The following CPLANE1 variants were observed in gnomAD, a reference collection of about 807,000 sequenced individuals.
CPLANE1 encodes the protein ciliogenesis and planar polarity effector complex subunit 1, also known as ciliogenesis and planar polarity effector 1.
In CPLANE1, 263 loss-of-function variants were observed where a neutral mutation model predicts 362.5. That is an observed-to-expected ratio of 0.73 (90% CI 0.66 to 0.80). The LOEUF is 0.80. Ranked by LOEUF, CPLANE1 falls within the 30% of genes least tolerant of loss-of-function variation. The probability of loss-of-function intolerance (pLI) is 0.00; values close to 1 mark genes in which losing one functional copy is unlikely to be tolerated. For missense variants in CPLANE1, 3,461 were observed against 3,793.4 expected (o/e 0.91, Z 2.30); for synonymous variants, 1,212 against 1,302.6 (o/e 0.93, Z 1.50).
At chr5:37,245,869 A>T in intron 2 of CPLANE1, 24 bp from the exon 3 acceptor site, 1 of 1,466,498 alleles carries the variant, frequency 6.8e-7, no homozygotes, top group Non-Finnish European at 9.0e-7. Flanking sequence ...CATGTGAAGG[A>T]CTCAAGAGGT....
Position 37,198,845 on chromosome 5 carries a change from A to G in CPLANE1, c.3529T>C (p.Leu1177=). The change falls in exon 20 of 53, where the codon TTA becomes CTA. Residue 1177 remains leucine (L), a synonymous_variant. Coordinates refer to ENST00000651892, the MANE Select transcript of CPLANE1 (RefSeq NM_001384732.1). ...LSEEDGDDLL[L]KAEKNNRQKV... ...TGGCGATTATTTTTTTCAGCTTTTA[A>G]AAGAAGATCATCACCATCTTCCTGA... is the stretch of plus-strand genomic sequence containing the variant. The G allele has an allele frequency of 6.2e-7, 1 of 1,614,044 alleles. No homozygotes were observed. The highest frequency in any genetic ancestry group is 8.5e-7 in the Non-Finnish European group (1 of 1,179,956).
chr5:37,189,689 A>G (rs930456258), intron 21 of CPLANE1, among the ~76,000 whole-genome samples: 4 of 152,202 alleles, frequency 2.6e-5, no homozygotes, highest in African/African-American at 7.2e-5. Context: ...AAAATAGAAT[A>G]CAACAGAATA....
At chr5:37,241,369 C>T (rs1561712710) in intron 6 of CPLANE1, among the ~76,000 whole-genome samples, 1 of 152,000 alleles carries the variant, frequency 6.6e-6, no homozygotes, top group Admixed American at 6.6e-5. Flanking sequence ...ACAGGAGAAT[C>T]GCTTGAACCT....
At chr5:37,098,481 T>C in the CPLANE1 span, among the ~76,000 whole-genome samples, 3 of 148,206 alleles carry the variant, frequency 2.0e-5, no homozygotes, top group South Asian at 2.1e-4. Flanking sequence ...CATAGAAACA[T>C]TGGAATTAAA....
chr5:37,139,178 A>G (rs1350580671), intron 45 of CPLANE1, among the ~76,000 whole-genome samples, 162 bp downstream of exon 45: 1 of 152,178 alleles, frequency 6.6e-6, no homozygotes, highest in Non-Finnish European at 1.5e-5. Flanking sequence ...GAGATATAAC[A>G]ATCCTCAATT....
At chr5:37,242,848 A>G (rs1423554554) in intron 6 of CPLANE1, among the ~76,000 whole-genome samples, 165 bp downstream of exon 6, 1 of 152,040 alleles carries the variant, frequency 6.6e-6, no homozygotes, top group Non-Finnish European at 1.5e-5. Flanking sequence ...TTAAAAAAAA[A>G]AAAAAAATTA....
intron 25 of CPLANE1, among the ~76,000 whole-genome samples, 160 bp downstream of exon 25, chr5:37,184,628 C>A (rs560957028): frequency 1.3e-5 from 2 of 152,134 alleles, no homozygotes; most frequent in East Asian, 3.9e-4. Flanking sequence ...TCATTTTATA[C>A]TCCTAATATT....
intron 21 of CPLANE1, among the ~76,000 whole-genome samples, chr5:37,194,916 G>T (rs1443069056): frequency 6.6e-6 from 1 of 151,950 alleles, no homozygotes; most frequent in Non-Finnish European, 1.5e-5. Context: ...ACTTTGGGAG[G>T]CCGAGGCAGG....
At chr5:37,116,321 C>A (rs147516210) in intron 50 of CPLANE1, among the ~76,000 whole-genome samples, 4,078 of 151,736 alleles carry the variant, frequency 0.027, 201 homozygotes, top group African/African-American at 0.093. Flanking sequence ...CCTGTCTCTA[C>A]TAAAAAATAC....
intron 16 of CPLANE1, chr5:37,211,423 C>G: frequency 6.6e-7 from 1 of 1,509,686 alleles, no homozygotes; most frequent in Non-Finnish European, 8.9e-7. Flanking sequence ...TCCAGTTCCC[C>G]GGAAAGACGT....
rs561982371 is a variant in CPLANE1, at chr5:37,203,649, C to T, written c.3289+1666G>A. On this transcript the variant is annotated intron_variant, in intron 18 of 52. Transcript: ENST00000651892. ...CCACTTTAGTTAGCTTCCCAAGCAG[C>T]TGGGACTACAGGCATATACCATCAT... 8.7e-4 allele frequency among the ~76,000 whole-genome samples: 133 copies of T among 152,236 alleles called. 1 individual carries two copies. Among genetic ancestry groups the T allele is most frequent in the South Asian group, 8.1e-3 (39 of 4,820 alleles).
chr5:37,217,777 T>C (rs1255211650), intron 15 of CPLANE1, among the ~76,000 whole-genome samples: 1 of 150,220 alleles, frequency 6.7e-6, no homozygotes, highest in Non-Finnish European at 1.5e-5. Context: ...AGGAGTTCGA[T>C]ACCAGCCTGG....
rs926554823 is a variant in CPLANE1 at position 37,213,594 on chromosome 5, T to C, written c.2885A>G (p.His962Arg). 29 of 1,547,412 alleles carry C rather than the reference T, an allele frequency of 1.9e-5. No individual in the cohort carries two copies. In the East Asian group the frequency reaches 5.9e-4, roughly 31 times the overall value. The change falls in exon 16 of 53, where the codon CAT (histidine) becomes CGT (arginine). Residue 962 changes from histidine (H) to arginine (R), a missense_variant. Transcript: ENST00000651892. ...ATGAAGTGGGGGAAGAACATTCACA[T>C]GATGAGGGGGCAAAATGCAAAGCTG... ...NQQLCILPPH[H>R]VNVLPPLHIK...
chr5:37,203,410 TA>T (rs1371489148), intron 18 of CPLANE1, among the ~76,000 whole-genome samples: 12 of 152,316 alleles, frequency 7.9e-5, no homozygotes, highest in African/African-American at 2.9e-4. Flanking sequence ...TTTAAAGATA[TA>T]TTTGAATTTG....
chr5:37,201,552 A>T lies in CPLANE1; in HGVS notation c.3507+39T>A, dbSNP rs138425550. On this transcript the variant is annotated intron_variant, in intron 19 of 52. Transcript: ENST00000651892. Reference sequence around the variant, plus strand: ...ATTATTTTAAAAACTTGACAAAATCAACTTTAAATTAATTTAAAAGTTAAT... The same window carrying T: ...ATTATTTTAAAAACTTGACAAAATCTACTTTAAATTAATTTAAAAGTTAAT... 1.2e-3 allele frequency: 1,820 copies of T among 1,499,564 alleles called. 4 individuals are homozygous for T. The highest frequency in any genetic ancestry group is 1.5e-3 in the Non-Finnish European group (1,697 of 1,096,718). The allele number at this position is 1,499,564 out of a possible 1,614,324, so 92.9% of individuals were successfully genotyped here.
chr5:37,105,877 T>C (rs184023845), downstream of CPLANE1, among the ~76,000 whole-genome samples: 213 of 152,240 alleles, frequency 1.4e-3, 1 homozygote, highest in Middle Eastern at 0.014. Context: ...TCTCAAAAGA[T>C]GACATACGAA....
intron 41 of CPLANE1, among the ~76,000 whole-genome samples, chr5:37,154,909 T>A (rs1199173150): frequency 6.6e-6 from 1 of 152,178 alleles, no homozygotes; most frequent in Non-Finnish European, 1.5e-5. Flanking sequence ...TCCCTCTTCC[T>A]TGTTCCGCAG....
chr5:37,136,653 C>G (rs908514738), intron 46 of CPLANE1, among the ~76,000 whole-genome samples: 10 of 152,228 alleles, frequency 6.6e-5, no homozygotes, highest in African/African-American at 2.4e-4. Flanking sequence ...ACCCTTGCAA[C>G]AAACTTCTGC....
At position 37,245,806 on chromosome 5, in the gene CPLANE1, T is replaced by C; in HGVS notation, c.121A>G (p.Asn41Asp). 6.5e-7 allele frequency: 1 copy of C among 1,528,964 alleles called. No homozygotes were observed. The highest frequency in any genetic ancestry group is 8.8e-7 in the Non-Finnish European group (1 of 1,139,532). The allele number at this position is 1,528,964 out of a possible 1,614,324, so 94.7% of individuals were successfully genotyped here. ...TTTCCTGATAGCAAATTAATTTCAT[T>C]TATGAATTTATCATCCAAAAGAAAA... ...AVFLLDDKFI[N>D]EINLLSGKIK... Residue 41 changes from asparagine to aspartate, a missense_variant, in exon 3 of 53, where the codon AAT becomes GAT. By Grantham distance (23) the Asn-to-Asp change is conservative (BLOSUM62 1). Transcript: ENST00000651892.
Sources: allele counts gnomAD v4.1 joint callset (sites outside exome capture counted in the v4.1 genomes callset), GRCh38; gene constraint gnomAD v4.1.1; transcripts MANE v1.5; gene names NCBI Gene and HGNC (gene_info 2026-07-23, HGNC 2026-07-21).